The following RAB31 variants were observed in gnomAD, a reference collection of about 807,000 sequenced individuals.
RAB31 encodes the protein RAB31, member RAS oncogene family.
RAB31 carries 21 observed loss-of-function variants against 25.6 expected under a neutral mutation model. The observed-to-expected ratio is 0.82, with a 90% CI of 0.58 to 1.18. The LOEUF (loss-of-function observed/expected upper bound fraction) is 1.18, where lower values mean the gene tolerates loss of function less well. Among genes scored for constraint, RAB31 ranks in the 50% most tolerant of loss-of-function variants. RAB31 has a pLI of 0.00. For synonymous variants in RAB31, 87 were observed against 84.0 expected (o/e 1.04, Z -0.20); for missense variants, 196 against 250.1 (o/e 0.78, Z 1.46).
Position 9,859,397 on chromosome 18 carries a change from G to C in RAB31, c.*72G>C. On this transcript the variant is annotated 3_prime_UTR_variant, in exon 7 of 7. Coordinates refer to ENST00000578921, the MANE Select transcript of RAB31 (RefSeq NM_006868.4). ...CCTGTGCACTGCTGAAGGACCCTACGCTCGGTGGCCTGGCACCTCACTTTG... is the reference window on the plus strand; with the variant it reads ...CCTGTGCACTGCTGAAGGACCCTACCCTCGGTGGCCTGGCACCTCACTTTG... 1 of 1,347,288 alleles carries C rather than the reference G, an allele frequency of 7.4e-7. No individual in the cohort carries two copies. Among genetic ancestry groups the C allele is most frequent in the Non-Finnish European group, 1.0e-6 (1 of 958,694 alleles). The allele number at this position is 1,347,288 out of a possible 1,614,324, so 83.5% of individuals were successfully genotyped here.
At chr18:9,792,326 T>A (rs2068464906) in intron 3 of RAB31, 91 bp downstream of exon 3, 1 of 1,494,488 alleles carries the variant, frequency 6.7e-7, no homozygotes. Flanking sequence ...AGACTCTTGG[T>A]TGCAGGTGAC....
At position 9,789,333 on chromosome 18, in the gene RAB31, G is replaced by A. The variant is rs80025036; in HGVS notation, c.120-2821G>A. ...TTCTGTAGCACTGTAGGATGAATAA[G>A]GCTAACAATAATTTAGTGTATATTT... On this transcript the variant is annotated intron_variant, in intron 2 of 6. Coordinates refer to ENST00000578921, the MANE Select transcript of RAB31 (RefSeq NM_006868.4). Among the ~76,000 whole-genome samples the A allele has an allele frequency of 2.9e-3, 448 of 152,240 alleles. 1 individual carries two copies. The highest frequency in any genetic ancestry group is 0.01 in the African/African-American group (426 of 41,532).
intron 3 of RAB31, among the ~76,000 whole-genome samples, chr18:9,813,004 G>T (rs1037923766): frequency 6.6e-6 from 1 of 151,998 alleles, no homozygotes; most frequent in African/African-American, 2.4e-5. Flanking sequence ...GCCCCTCCAG[G>T]ATACTTTTTA....
intron 1 of RAB31, among the ~76,000 whole-genome samples, chr18:9,761,520 G>A (rs1413139718): frequency 6.6e-6 from 1 of 152,052 alleles, no homozygotes; most frequent in Non-Finnish European, 1.5e-5. Flanking sequence ...TCAGGAATTG[G>A]GCATGGCTTA....
rs753390774 is a variant in RAB31 at position 9,792,853 on chromosome 18, C to T, written c.201+618C>T. On this transcript the variant is annotated intron_variant, in intron 3 of 6. Coordinates refer to ENST00000578921, the MANE Select transcript of RAB31 (RefSeq NM_006868.4). ...GGTTCAGGAAGTCAGGTAGGCTTAGCGCCCCAAGGAAAATCTGAGGTCTCT... is the reference window on the plus strand; with the variant it reads ...GGTTCAGGAAGTCAGGTAGGCTTAGTGCCCCAAGGAAAATCTGAGGTCTCT... Among the ~76,000 whole-genome samples the T allele has an allele frequency of 1.4e-4, 21 of 152,258 alleles. No homozygotes were observed. The South Asian group carries it at 2.1e-3, about 15-fold the overall frequency.
At chr18:9,831,608 G>A (rs1272444054) in intron 5 of RAB31, among the ~76,000 whole-genome samples, 2 of 152,238 alleles carry the variant, frequency 1.3e-5, no homozygotes, top group South Asian at 2.1e-4. Context: ...GCTGCCCTGA[G>A]AGGATCGTGT....
intron 1 of RAB31, among the ~76,000 whole-genome samples, chr18:9,709,452 G>C (rs1005273435): frequency 6.6e-6 from 1 of 152,204 alleles, no homozygotes; most frequent in African/African-American, 2.4e-5. Context: ...GGCAGCGAAA[G>C]GGTCGCATTC....
intron 6 of RAB31, among the ~76,000 whole-genome samples, chr18:9,856,908 T>C (rs1338012668): frequency 6.6e-6 from 1 of 152,166 alleles, no homozygotes; most frequent in African/African-American, 2.4e-5. Flanking sequence ...GTACTGGTAG[T>C]CATTGGAGAC....
At chr18:9,717,047 G>A (rs2068048437) in intron 1 of RAB31, among the ~76,000 whole-genome samples, 1 of 151,794 alleles carries the variant, frequency 6.6e-6, no homozygotes, top group Non-Finnish European at 1.5e-5. Context: ...ACAGGTGTGA[G>A]TCACTTTGCC....
rs1221766081 is a variant in RAB31 at position 9,814,028 on chromosome 18, A to T, written c.210A>T (p.Ser70=). ...TCATTGTTCTTAAACAGTTTCATTC[A>T]TTGGCTCCCATGTACTATCGAGGCT... ...WDTAGQERFH[S]LAPMYYRGSA... The change falls in exon 4 of 7, where the codon TCA becomes TCT. Residue 70 remains serine, a synonymous_variant. Coordinates refer to ENST00000578921, the MANE Select transcript of RAB31 (RefSeq NM_006868.4). 1.3e-6 allele frequency: 2 copies of T among 1,587,080 alleles called. No homozygotes were observed. The highest frequency in any genetic ancestry group is 3.3e-4 in the Middle Eastern group (2 of 6,026).
intron 2 of RAB31, 110 bp downstream of exon 2, chr18:9,775,467 CA>C (rs2068367600): frequency 6.6e-7 from 1 of 1,525,258 alleles, no homozygotes; most frequent in South Asian, 1.2e-5. Context: ...TCATCCCAGC[CA>C]GTGAGAATCA....
intron 1 of RAB31, among the ~76,000 whole-genome samples, chr18:9,764,460 C>A (rs2068304996): frequency 6.6e-6 from 1 of 152,154 alleles, no homozygotes; most frequent in Non-Finnish European, 1.5e-5. Flanking sequence ...TCTGCCCTTA[C>A]TAGTTACAGG....
intron 5 of RAB31, among the ~76,000 whole-genome samples, chr18:9,829,603 T>C (rs1227685209): frequency 6.6e-6 from 1 of 152,230 alleles, no homozygotes; most frequent in East Asian, 1.9e-4. Flanking sequence ...ACCCTCAGTC[T>C]TACTAGGTAA....
chr18:9,822,978 T>C (rs1235001219), intron 5 of RAB31, among the ~76,000 whole-genome samples: 1 of 152,162 alleles, frequency 6.6e-6, no homozygotes, highest in Non-Finnish European at 1.5e-5. Flanking sequence ...CATAGACACG[T>C]TATTTGTAAT....
chr18:9,806,109 G>A (rs1212647609), intron 3 of RAB31, among the ~76,000 whole-genome samples: 9 of 151,768 alleles, frequency 5.9e-5, no homozygotes, highest in Non-Finnish European at 7.4e-5. Flanking sequence ...CCCGGGAGGC[G>A]GAGCTTGCAG....
intron 3 of RAB31, among the ~76,000 whole-genome samples, chr18:9,804,142 A>G (rs566844042): frequency 6.6e-6 from 1 of 152,296 alleles, no homozygotes; most frequent in East Asian, 1.9e-4. Context: ...CTGCTTACAC[A>G]CGGGCTTCTG....
chr18:9,796,943 T>G (rs1568181394), intron 3 of RAB31, among the ~76,000 whole-genome samples: 1 of 152,188 alleles, frequency 6.6e-6, no homozygotes, highest in Non-Finnish European at 1.5e-5. Context: ...ATAAAACACA[T>G]TTTCTTAAAA....
intron 1 of RAB31, among the ~76,000 whole-genome samples, chr18:9,757,694 A>G (rs2068266920): frequency 6.6e-6 from 1 of 152,170 alleles, no homozygotes; most frequent in Non-Finnish European, 1.5e-5. Context: ...ATGCATGTGC[A>G]TGTATGTGTG....
At chr18:9,770,150 CTT>C (rs1568174482) in intron 1 of RAB31, among the ~76,000 whole-genome samples, 1 of 152,182 alleles carries the variant, frequency 6.6e-6, no homozygotes, top group African/African-American at 2.4e-5. Context: ...CTGAAATTTT[CTT>C]TTTTTGTTGT....
Sources: gnomAD v4.1 joint callset for allele counts (sites outside exome capture counted in the v4.1 genomes callset) on GRCh38, gnomAD v4.1.1 for gene constraint, MANE v1.5 for transcripts, NCBI Gene and HGNC (gene_info 2026-07-23, HGNC 2026-07-21) for gene names.